The following RIC1 variants were observed in gnomAD, a reference collection of about 807,000 sequenced individuals.
RIC1 encodes the protein RIC1 partner of RAB6A GEF complex.
RIC1 carries 88 observed loss-of-function variants against 169.0 expected under a neutral mutation model. The ratio of observed to expected loss-of-function variants is 0.52; its 90% confidence interval spans 0.44 to 0.62. RIC1 has a LOEUF of 0.62. Ranked by LOEUF, RIC1 falls within the 20% of genes least tolerant of loss-of-function variation. The pLI, the probability that RIC1 is intolerant of heterozygous loss-of-function variation, is 0.00. For missense variants in RIC1, 1,877 were observed against 1,725.5 expected (o/e 1.09, Z -1.56); for synonymous variants, 790 against 601.5 (o/e 1.31, Z -4.59).
chr9:5,695,822 C>T (rs974276368), intron 3 of RIC1, among the ~76,000 whole-genome samples: 17 of 151,982 alleles, frequency 1.1e-4, no homozygotes, highest in African/African-American at 3.9e-4. Flanking sequence ...CTGCCTGCCT[C>T]GGCCTCCCAA....
chr9:5,686,105 A>G (rs1178183831), intron 2 of RIC1, among the ~76,000 whole-genome samples: 6 of 151,468 alleles, frequency 4.0e-5, no homozygotes, highest in South Asian at 2.1e-4. Flanking sequence ...TAGAATGGCA[A>G]TCATTAAAAA....
chr9:5,772,107 GTTC>G (rs1459263449), intron 23 of RIC1, among the ~76,000 whole-genome samples: 1 of 152,148 alleles, frequency 6.6e-6, no homozygotes, highest in East Asian at 1.9e-4. Flanking sequence ...TTGTGATTGT[GTTC>G]TTAATTCTCT....
intron 2 of RIC1, among the ~76,000 whole-genome samples, chr9:5,666,742 G>T (rs976351584): frequency 6.6e-6 from 1 of 152,046 alleles, no homozygotes; most frequent in Non-Finnish European, 1.5e-5. Flanking sequence ...ACTTTGTCAC[G>T]ATGTATGAAG....
chr9:5,665,833 A>G (rs1819719198), intron 2 of RIC1, among the ~76,000 whole-genome samples: 2 of 152,144 alleles, frequency 1.3e-5, no homozygotes, highest in African/African-American at 4.8e-5. Flanking sequence ...ACAGGGGGGT[A>G]CTGACCTGTT....
intron 2 of RIC1, among the ~76,000 whole-genome samples, chr9:5,673,367 A>C (rs753654939): frequency 1.3e-5 from 2 of 151,852 alleles, no homozygotes; most frequent in Non-Finnish European, 2.9e-5. Flanking sequence ...TAATGCAGGC[A>C]TAAACAGGAA....
chr9:5,737,109 G>T (rs1166138154), intron 7 of RIC1, among the ~76,000 whole-genome samples: 2 of 152,056 alleles, frequency 1.3e-5, no homozygotes, highest in East Asian at 3.8e-4. Context: ...TGTTGCATAA[G>T]TAATCTAAAA....
chr9:5,731,971 A>C (rs1824395915), intron 6 of RIC1, among the ~76,000 whole-genome samples: 1 of 152,332 alleles, frequency 6.6e-6, no homozygotes. Context: ...AACAGAATGT[A>C]CTACTTTTCA....
chr9:5,651,972 A>G (rs1050756490), intron 1 of RIC1, among the ~76,000 whole-genome samples: 6 of 152,128 alleles, frequency 3.9e-5, no homozygotes, highest in Admixed American at 2.0e-4. Flanking sequence ...TTATTAGATT[A>G]TCCTTTCTCC....
intron 23 of RIC1, among the ~76,000 whole-genome samples, chr9:5,771,462 A>G (rs1827215517): frequency 6.6e-6 from 1 of 152,100 alleles, no homozygotes; most frequent in Non-Finnish European, 1.5e-5. Context: ...ACTTTTGGCT[A>G]TTGTGAATTA....
chr9:5,706,263 T>A (rs1424150081), intron 3 of RIC1, among the ~76,000 whole-genome samples: 1 of 152,090 alleles, frequency 6.6e-6, no homozygotes, highest in East Asian at 1.9e-4. Flanking sequence ...ATCTAGACCA[T>A]CCTGACCAAC....
At chr9:5,703,396 G>C (rs1318810698) in intron 3 of RIC1, among the ~76,000 whole-genome samples, 23 of 152,216 alleles carry the variant, frequency 1.5e-4, no homozygotes. Context: ...ACAGTGTTTT[G>C]TACAACTATC....
intron 3 of RIC1, among the ~76,000 whole-genome samples, chr9:5,711,481 A>G (rs903402252): frequency 7.2e-5 from 11 of 152,126 alleles, no homozygotes; most frequent in African/African-American, 2.2e-4. Flanking sequence ...CAGTTTTCCC[A>G]TTTTAACTCA....
intron 2 of RIC1, among the ~76,000 whole-genome samples, chr9:5,671,553 G>A (rs1820108955): frequency 6.6e-6 from 1 of 152,070 alleles, no homozygotes; most frequent in Admixed American, 6.5e-5. Context: ...TGGGATTATG[G>A]GCATGAGTCA....
intron 23 of RIC1, 31 bp downstream of exon 23, chr9:5,770,309 G>C: frequency 6.3e-7 from 1 of 1,575,036 alleles, no homozygotes; most frequent in Non-Finnish European, 8.7e-7. Context: ...TAGCTCTTCA[G>C]TTCCTTTGAA....
At chr9:5,743,293 G>A (rs942569985) in intron 9 of RIC1, among the ~76,000 whole-genome samples, 1 of 152,050 alleles carries the variant, frequency 6.6e-6, no homozygotes, top group African/African-American at 2.4e-5. Flanking sequence ...TCTGCTTTTA[G>A]GTAGTTTATA....
chr9:5,710,555 C>T (rs747515986), intron 3 of RIC1, among the ~76,000 whole-genome samples: 2 of 152,136 alleles, frequency 1.3e-5, no homozygotes, highest in Non-Finnish European at 2.9e-5. Context: ...CCTGCAGACA[C>T]GTAGTCACCT....
intron 21 of RIC1, among the ~76,000 whole-genome samples, chr9:5,767,828 C>G (rs1471374094): frequency 6.6e-6 from 1 of 152,076 alleles, no homozygotes; most frequent in Non-Finnish European, 1.5e-5. Flanking sequence ...CTCAGGTGAT[C>G]CGCCTGCCTC....
chr9:5,695,964 C>T (rs969677077), intron 3 of RIC1, among the ~76,000 whole-genome samples: 2 of 152,150 alleles, frequency 1.3e-5, no homozygotes, highest in Non-Finnish European at 2.9e-5. Context: ...AACTTTTTTG[C>T]AGTTACCATC....
chr9:5,683,279 A>G (rs1820977632), intron 2 of RIC1, among the ~76,000 whole-genome samples: 1 of 152,054 alleles, frequency 6.6e-6, no homozygotes, highest in Non-Finnish European at 1.5e-5. Flanking sequence ...TTGTGGTTTT[A>G]TCTACCTTTG....
Sources: allele counts gnomAD v4.1 joint callset (sites outside exome capture counted in the v4.1 genomes callset), GRCh38; gene constraint gnomAD v4.1.1; transcripts MANE v1.5; gene names NCBI Gene and HGNC (gene_info 2026-07-23, HGNC 2026-07-21).